NTN1: variants seen among roughly 807,000 people sequenced by gnomAD.
NTN1 encodes netrin 1.
A neutral mutation model predicts 54.2 loss-of-function variants in NTN1; 11 were observed. That is an observed-to-expected ratio of 0.20 (90% CI 0.13 to 0.34). The LOEUF (loss-of-function observed/expected upper bound fraction) is 0.34. Among genes scored for constraint, NTN1 ranks in the 10% least tolerant of loss-of-function variants. NTN1 has a pLI of 1.00. For missense variants in NTN1, 740 were observed against 893.1 expected (o/e 0.83, Z 2.18); for synonymous variants, 371 against 382.0 (o/e 0.97, Z 0.33).
intron 2 of NTN1, among the ~76,000 whole-genome samples, chr17:9,067,151 C>T (rs1334501452): frequency 2.0e-5 from 3 of 151,752 alleles, no homozygotes; most frequent in Non-Finnish European, 4.4e-5. Context: ...CCTGTAGTCT[C>T]AGCTACCTGG....
chr17:9,221,159 C>T lies in NTN1; in HGVS notation c.1412-9C>T, dbSNP rs778019922. On this transcript the variant is annotated splice_polypyrimidine_tract_variant and intron_variant, in intron 5 of 6. Transcript: ENST00000173229. This position sits in a 1 kb window ranked among gnomAD's most constrained non-coding sequence, Gnocchi z 4.5. ...TTTTTGTCTGTGCTCCCCCCCCACC[C>T]CCCTGCAGACTGCGATTCCTACTGC... 5 of 1,581,074 alleles carry T rather than the reference C, an allele frequency of 3.2e-6. No individual in the cohort carries two copies. Among genetic ancestry groups the T allele is most frequent in the Non-Finnish European group, 4.3e-6 (5 of 1,151,448 alleles).
At position 9,183,154 on chromosome 17, in the gene NTN1, T is replaced by G. The variant is rs535878891; in HGVS notation, c.1411+185T>G. The G allele has an allele frequency of 4.3e-6, 3 of 697,706 alleles. No homozygotes were observed. The Admixed American group carries it at 6.6e-5, about 15-fold the overall frequency. The allele number at this position is 697,706 out of a possible 1,614,324, so 43.2% of individuals were successfully genotyped here. A position where few individuals can be genotyped will look rare whatever the true frequency, so the allele number is the denominator to read the frequency against. Reference sequence around the variant, plus strand: ...GAGCTATAGGACACTATTTTGTGGCTTTCCCTCTGAGAATCAAATGGAGGA... The same window carrying G: ...GAGCTATAGGACACTATTTTGTGGCGTTCCCTCTGAGAATCAAATGGAGGA... On this transcript the variant is annotated intron_variant, in intron 5 of 6. Transcript: ENST00000173229.
intron 6 of NTN1, among the ~76,000 whole-genome samples, chr17:9,233,068 GT>G (rs1195959428): frequency 6.9e-4 from 105 of 152,172 alleles, no homozygotes; most frequent in African/African-American, 2.4e-3. Context: ...AGGTATGGCT[GT>G]GTAGGGGAGG....
rs75794312 is a variant in NTN1 at position 9,147,648 on chromosome 17, A to T, written c.1019-15165A>T. ...CAGTCTAGTTCCACCTCCTCCCCAG[A>T]GCCGGAGTCTCCTGTACCGTATTTT... On this transcript the variant is annotated intron_variant, in intron 2 of 6. Transcript: ENST00000173229. 3.3e-3 allele frequency among the ~76,000 whole-genome samples: 499 copies of T among 152,236 alleles called. 22 individuals are homozygous for T. The East Asian group carries it at 0.087, about 27-fold the overall frequency.
At chr17:9,175,349 G>A (rs2092397223) in intron 3 of NTN1, 1 of 152,266 alleles carries the variant, frequency 6.6e-6, no homozygotes, top group African/African-American at 2.4e-5. Context: ...CTGGCACCAT[G>A]CAGGTGGGTG....
chr17:9,028,804 G>A (rs542788062), intron 2 of NTN1, among the ~76,000 whole-genome samples: 1 of 152,254 alleles, frequency 6.6e-6, no homozygotes, highest in African/African-American at 2.4e-5. Flanking sequence ...TGTTACTCAT[G>A]TTATCTTGAT....
rs1567750245 is a variant in NTN1, at chr17:9,239,988, C to A, written c.*20C>A. The stretch of plus-strand genomic sequence containing the variant: ...GCCTAGCGCCGAGGCAGCGGGCGGG[C>A]GGGCGGGCGGGCGCCAGGGCGGGGC... On this transcript the variant is annotated 3_prime_UTR_variant, in exon 7 of 7. Transcript: ENST00000173229. The surrounding 1 kb of genome is among the most constrained non-coding windows in gnomAD (Gnocchi z 5.2). 5.3e-4 allele frequency: 3 copies of A among 5,700 alleles called. No homozygotes were observed. The highest frequency in any genetic ancestry group is 6.9e-4 in the Non-Finnish European group (2 of 2,886). The allele number at this position is 5,700 out of a possible 1,614,324, so 0.4% of individuals were successfully genotyped here. A position where few individuals can be genotyped will look rare whatever the true frequency, so the allele number is the denominator to read the frequency against.
At chr17:9,038,045 T>C (rs982007519) in intron 2 of NTN1, among the ~76,000 whole-genome samples, 4 of 152,188 alleles carry the variant, frequency 2.6e-5, no homozygotes, top group Admixed American at 6.5e-5. Context: ...ACACAGCTTA[T>C]AGCCCTGGTA....
chr17:9,211,983 T>G lies in NTN1; in HGVS notation c.1412-9185T>G, dbSNP rs1156813435. Among the ~76,000 whole-genome samples the G allele has an allele frequency of 6.6e-6, 1 of 152,248 alleles. No individual in the cohort carries two copies. Among genetic ancestry groups the G allele is most frequent in the Non-Finnish European group, 1.5e-5 (1 of 68,050 alleles). On this transcript the variant is annotated intron_variant, in intron 5 of 6. Coordinates refer to ENST00000173229, the MANE Select transcript of NTN1 (RefSeq NM_004822.3). The surrounding 1 kb of genome is among the most constrained non-coding windows in gnomAD (Gnocchi z 4.4). ...CTAGACCCTTACTTCCATAGGTTGC[T>G]AAGCTCCTTGGCCAGTCCATTGCTA...
At chr17:9,129,166 T>C (rs1270981093) in intron 2 of NTN1, among the ~76,000 whole-genome samples, 1 of 152,096 alleles carries the variant, frequency 6.6e-6, no homozygotes. Context: ...CCTGAGGAAA[T>C]TGAAAAACAC....
At chr17:9,096,282 T>C (rs917601115) in intron 2 of NTN1, among the ~76,000 whole-genome samples, 1 of 151,230 alleles carries the variant, frequency 6.6e-6, no homozygotes, top group East Asian at 2.0e-4. Context: ...TTGGTATATA[T>C]GAAAGAAACT....
intron 2 of NTN1, among the ~76,000 whole-genome samples, chr17:9,050,254 T>TA (rs1001001852): frequency 6.4e-4 from 92 of 144,250 alleles, no homozygotes; most frequent in Non-Finnish European, 1.2e-3. Flanking sequence ...CTCAAAAAAA[T>TA]AAAAAAAAAT....
chr17:9,162,614 T>C (rs986054680), intron 2 of NTN1, among the ~76,000 whole-genome samples, 199 bp from the exon 3 acceptor site: 5 of 152,152 alleles, frequency 3.3e-5, no homozygotes, highest in Admixed American at 2.6e-4. Context: ...ACCTTAGCCA[T>C]GTATTGTTAC....
chr17:9,005,583 T>C, the NTN1 span, among the ~76,000 whole-genome samples: 1 of 152,174 alleles, frequency 6.6e-6, no homozygotes, highest in African/African-American at 2.4e-5. Flanking sequence ...TTTAGGGGAA[T>C]GCAGCCCAAA....
chr17:9,163,434 C>G (rs1424954735), intron 3 of NTN1, among the ~76,000 whole-genome samples: 1 of 132,548 alleles, frequency 7.5e-6, no homozygotes, highest in Non-Finnish European at 1.6e-5. Flanking sequence ...CACGCAGACT[C>G]ACTTCTTTGG....
chr17:9,098,292 G>A lies in NTN1; in HGVS notation c.1019-64521G>A, dbSNP rs2092138711. ...TATCAGCATCCCATACAGGCTTATT[G>A]GCCTCACCTGGCAGTGCAGGGTCTC... is the stretch of plus-strand genomic sequence containing the variant. On this transcript the variant is annotated intron_variant, in intron 2 of 6. Transcript: ENST00000173229. Among the ~76,000 whole-genome samples, 3 of 152,106 alleles carry A rather than the reference G, an allele frequency of 2.0e-5. No homozygotes were observed. In the South Asian group the frequency reaches 6.2e-4, roughly 32 times the overall value.
At chr17:9,009,873 C>A in the NTN1 span, among the ~76,000 whole-genome samples, 1 of 152,166 alleles carries the variant, frequency 6.6e-6, no homozygotes, top group African/African-American at 2.4e-5. Flanking sequence ...TGATGACTCA[C>A]AGCCATCTCT....
intron 2 of NTN1, among the ~76,000 whole-genome samples, chr17:9,055,007 C>T (rs2091974675): frequency 6.6e-6 from 1 of 152,068 alleles, no homozygotes; most frequent in Non-Finnish European, 1.5e-5. Context: ...GTACACATGC[C>T]CTCTTGGCAG....
chr17:9,072,737 C>A (rs910731073), intron 2 of NTN1, among the ~76,000 whole-genome samples: 1 of 152,176 alleles, frequency 6.6e-6, no homozygotes, highest in Non-Finnish European at 1.5e-5. Context: ...ATCTCTCCCC[C>A]CAGAATTGAG....
Sources: gnomAD v4.1 joint callset for allele counts (sites outside exome capture counted in the v4.1 genomes callset) on GRCh38, gnomAD v4.1.1 for gene constraint, Gnocchi (gnomAD v3.1) non-coding constraint, MANE v1.5 for transcripts, NCBI Gene and HGNC (gene_info 2026-07-23, HGNC 2026-07-21) for gene names.